Variants in LRP5 observed in about 807,000 individuals in gnomAD.
The protein encoded by LRP5 is LDL receptor related protein 5.
In LRP5, 62 loss-of-function variants were observed where a neutral mutation model predicts 154.1. The ratio of observed to expected loss-of-function variants is 0.40; its 90% CI spans 0.33 to 0.50. The LOEUF (loss-of-function observed/expected upper bound fraction) is 0.50, where lower values mean the gene tolerates loss of function less well. LRP5 is among the 20% of genes least tolerant of loss of function. The pLI is 0.55. For missense variants in LRP5, 1,915 were observed against 2,336.7 expected, an observed-to-expected ratio of 0.82 and a Z score of 3.72; for synonymous variants, 966 against 1,011.5, an observed-to-expected ratio of 0.96 and a Z score of 0.85.
chr11:68,372,804 G>A (rs1346647483), intron 5 of LRP5, among the ~76,000 whole-genome samples: 1 of 152,120 alleles, frequency 6.6e-6, no homozygotes, highest in Non-Finnish European at 1.5e-5. Context: ...GGGCAGTGGG[G>A]AGCACGGCTC....
At chr11:68,439,724 C>T (rs996179922) in intron 20 of LRP5, 53 bp from the exon 21 acceptor site, 92 of 1,580,724 alleles carry the variant, frequency 5.8e-5, no homozygotes, top group Middle Eastern at 3.3e-4. Context: ...GTCTGTGGGG[C>T]GGCTTGGCTG....
chr11:68,413,775 A>T lies in LRP5; in HGVS notation c.2590A>T (p.Asn864Tyr), dbSNP rs761455808. The T allele has an allele frequency of 1.2e-6, 2 of 1,613,368 alleles. No individual in the cohort carries two copies. The highest frequency in any genetic ancestry group is 1.7e-6 in the Non-Finnish European group (2 of 1,179,578). ...CGATTATATCTACTGGACAGACTGG[A>T]ATCTGCACAGCATTGAGCGGGCCGA... ...YSDYIYWTDW[N>Y]LHSIERADKT... Residue 864 changes from asparagine to tyrosine, a missense_variant, in exon 12 of 23, where the codon AAT (asparagine) becomes TAT (tyrosine). Asn to Tyr is a moderately radical substitution (Grantham distance 143). This residue lies in a region of LRP5 where 1,094 missense variants were observed against 1,210.1 expected (regional missense o/e 0.90). Transcript: ENST00000294304. The surrounding 1 kb of genome is among the most constrained non-coding windows in gnomAD (Gnocchi z 5.1).
intron 3 of LRP5, among the ~76,000 whole-genome samples, chr11:68,360,386 C>G (rs2098626809): frequency 7.0e-6 from 1 of 142,640 alleles, no homozygotes; most frequent in African/African-American, 2.6e-5. Flanking sequence ...ACAGCTAGTC[C>G]CAGCCAGGGT....
chr11:68,443,573 A>AT (rs2098679640), intron 21 of LRP5, among the ~76,000 whole-genome samples: 1 of 43,546 alleles, frequency 2.3e-5, no homozygotes, highest in Non-Finnish European at 4.2e-5. Context: ...ATATATATAT[A>AT]TATATATATA....
chr11:68,425,578 G>A (rs971770444), intron 15 of LRP5, among the ~76,000 whole-genome samples: 1 of 152,338 alleles, frequency 6.6e-6, no homozygotes, highest in South Asian at 2.1e-4. Context: ...CAGCACCTGC[G>A]CAAGAAGCTG....
intron 1 of LRP5, among the ~76,000 whole-genome samples, chr11:68,341,691 T>A (rs2098609232): frequency 2.6e-5 from 4 of 152,122 alleles, no homozygotes; most frequent in African/African-American, 9.7e-5. Context: ...CCCCAGGACC[T>A]TTGCCCAGGC....
chr11:68,431,184 G>A (rs953639388), intron 17 of LRP5, among the ~76,000 whole-genome samples: 1 of 151,618 alleles, frequency 6.6e-6, no homozygotes, highest in African/African-American at 2.4e-5. Flanking sequence ...GAGTTCCTGG[G>A]GGTTCAGCTT....
intron 7 of LRP5, 100 bp downstream of exon 7, chr11:68,390,152 C>T: frequency 7.0e-7 from 1 of 1,423,112 alleles, no homozygotes; most frequent in South Asian, 1.2e-5. Flanking sequence ...TGCCTGTGCT[C>T]TGCTATTTGG....
rs1936860369 is a variant in LRP5 at position 68,440,049 on chromosome 11, C to T, written c.4488+133C>T. On this transcript the variant is annotated intron_variant, in intron 21 of 22. Coordinates refer to ENST00000294304, the MANE Select transcript of LRP5 (RefSeq NM_002335.4). Reference sequence around the variant, plus strand: ...GCCTCTGAGGCATGCTTGCTTTCTTCCCTTTTCAAACCCTTCTGCTTCCTT... The same window carrying T: ...GCCTCTGAGGCATGCTTGCTTTCTTTCCTTTTCAAACCCTTCTGCTTCCTT... 17 of 749,228 alleles carry T rather than the reference C, an allele frequency of 2.3e-5. No homozygotes were observed. In the South Asian group the frequency reaches 3.3e-4, roughly 14 times the overall value. The allele number at this position is 749,228 out of a possible 1,614,324, so 46.4% of individuals were successfully genotyped here.
rs761640394 is a variant in LRP5, at chr11:68,423,739, C to T, written c.3236+42C>T. 1.5e-5 allele frequency: 23 copies of T among 1,549,074 alleles called. No homozygotes were observed. Among genetic ancestry groups the T allele is most frequent in the Middle Eastern group, 2.1e-4 (1 of 4,766 alleles). On this transcript the variant is annotated intron_variant, in intron 14 of 22. Coordinates refer to ENST00000294304, the MANE Select transcript of LRP5 (RefSeq NM_002335.4). This position sits in a 1 kb window ranked among gnomAD's most constrained non-coding sequence, Gnocchi z 4.7. ...TGGGTGGGGGTGCTGCCCGTCCAGG[C>T]GTGCCCGCCGTGTCTTCTGCCGAAT...
intron 6 of LRP5, among the ~76,000 whole-genome samples, chr11:68,388,541 C>A (rs2098644282): frequency 6.6e-6 from 1 of 151,994 alleles, no homozygotes; most frequent in African/African-American, 2.4e-5. Context: ...GGCCTCAGAA[C>A]CTTCACCCCT....
chr11:68,329,042 AGAAG>A (rs1391713542), intron 1 of LRP5, among the ~76,000 whole-genome samples: 1 of 152,200 alleles, frequency 6.6e-6, no homozygotes, highest in Non-Finnish European at 1.5e-5. Context: ...ACAGTGCTTC[AGAAG>A]TACCACCTTA....
chr11:68,428,510 C>T (rs2098670114), intron 16 of LRP5, among the ~76,000 whole-genome samples: 1 of 151,968 alleles, frequency 6.6e-6, no homozygotes. Flanking sequence ...GCCAGCGTTC[C>T]ACACTTGTGG....
At position 68,446,448 on chromosome 11, in the gene LRP5, C is replaced by T; in HGVS notation, c.4501C>T (p.Pro1501Ser). 1 of 1,613,382 alleles carries T rather than the reference C, an allele frequency of 6.2e-7. No homozygotes were observed. The part of the protein sequence containing the change: ...ATLYPPILNP[P>S]PSPATDPSLY... ...TGGCTCTCCTCAGATCCTGAACCCG[C>T]CGCCCTCCCCGGCCACGGACCCCTC... The change falls in exon 22 of 23, where the codon CCG becomes TCG. Residue 1501 changes from proline to serine, a missense_variant. By Grantham distance (74) the Pro-to-Ser change is moderately conservative. Transcript: ENST00000294304.
intron 1 of LRP5, among the ~76,000 whole-genome samples, chr11:68,340,340 C>CA (rs778576685): frequency 2.6e-5 from 4 of 152,180 alleles, no homozygotes; most frequent in Non-Finnish European, 5.9e-5. Flanking sequence ...CCCGGAATCT[C>CA]ACAGCTGGAG....
chr11:68,310,673 T>C (rs567297608), upstream of LRP5, among the ~76,000 whole-genome samples: 10 of 149,642 alleles, frequency 6.7e-5, no homozygotes, highest in South Asian at 1.9e-3. Flanking sequence ...GAGGATTGCT[T>C]GAGCCCAGGA....
intron 21 of LRP5, chr11:68,445,601 G>A (rs991033174): frequency 7.6e-7 from 1 of 1,317,288 alleles, no homozygotes; most frequent in East Asian, 4.2e-5. Flanking sequence ...ATGCTTTCCA[G>A]GATGGCCTTG....
upstream of LRP5, among the ~76,000 whole-genome samples, chr11:68,311,114 T>A (rs758232059): frequency 1.3e-5 from 2 of 152,158 alleles, no homozygotes; most frequent in Admixed American, 6.6e-5. Flanking sequence ...AGTCTGGGTC[T>A]CTTCTATCTT....
At chr11:68,362,085 T>C (rs2098628418) in intron 3 of LRP5, among the ~76,000 whole-genome samples, 1 of 152,280 alleles carries the variant, frequency 6.6e-6, no homozygotes, top group South Asian at 2.1e-4. Flanking sequence ...TGGAATATGG[T>C]TCACCCCTAA....
Sources: allele counts gnomAD v4.1 joint callset (sites outside exome capture counted in the v4.1 genomes callset), GRCh38; gene constraint gnomAD v4.1.1; regional missense constraint gnomAD v4.1.1; non-coding constraint Gnocchi (gnomAD v3.1); transcripts MANE v1.5; gene names NCBI Gene and HGNC (gene_info 2026-07-23, HGNC 2026-07-21).